GPHN: variants seen among roughly 807,000 people sequenced by gnomAD.
GPHN encodes the protein gephyrin.
In GPHN, 17 loss-of-function variants were observed where a neutral mutation model predicts 95.5. That is an observed-to-expected ratio of 0.18 (90% CI 0.12 to 0.27). The LOEUF is 0.27. Among genes scored for constraint, GPHN ranks in the 10% least tolerant of loss-of-function variants. The pLI is 1.00. For missense variants in GPHN, 660 were observed against 978.1 expected (o/e 0.67, Z 4.34); for synonymous variants, 320 against 322.5 (o/e 0.99, Z 0.08).
At chr14:66,859,698 T>G (rs1468347502) in intron 4 of GPHN, among the ~76,000 whole-genome samples, 1 of 152,180 alleles carries the variant, frequency 6.6e-6, no homozygotes, top group Non-Finnish European at 1.5e-5. Flanking sequence ...TCAAAATAGA[T>G]ATTTTGAGGA....
chr14:66,766,315 T>C (rs1021503819), intron 2 of GPHN, among the ~76,000 whole-genome samples: 1 of 152,164 alleles, frequency 6.6e-6, no homozygotes. Flanking sequence ...GAAGAAAGGC[T>C]GAATTTTAAG....
intron 4 of GPHN, among the ~76,000 whole-genome samples, chr14:66,866,874 G>C (rs908297057): frequency 2.0e-5 from 3 of 152,130 alleles, no homozygotes; most frequent in African/African-American, 7.2e-5. Context: ...GAGGTAAACT[G>C]TGAAAACTAC....
At chr14:66,595,562 G>A (rs910170669) in intron 1 of GPHN, among the ~76,000 whole-genome samples, 4 of 152,158 alleles carry the variant, frequency 2.6e-5, no homozygotes, top group African/African-American at 9.7e-5. Context: ...ACTGCACACA[G>A]CCAGGCACAC....
chr14:67,498,979 T>TTTTATTTATTTATTTATTTATTTATTTA, the GPHN span, among the ~76,000 whole-genome samples: 1 of 146,510 alleles, frequency 6.8e-6, no homozygotes. Context: ...AAGGCAATGG[T>TTTTATTTATTTATTTATTTATTTATTTA]TTTATTTATT....
chr14:67,424,618 G>A, the GPHN span, among the ~76,000 whole-genome samples: 1,123 of 122,954 alleles, frequency 9.1e-3, 16 homozygotes, highest in African/African-American at 0.036. Context: ...AAAAAAAAAA[G>A]GAAGCAGATC....
intron 2 of GPHN, among the ~76,000 whole-genome samples, chr14:66,771,781 T>C (rs1366534425): frequency 7.3e-6 from 1 of 137,206 alleles, no homozygotes; most frequent in Non-Finnish European, 1.5e-5. Flanking sequence ...TGTGTCCATG[T>C]GATCTCATTG....
the GPHN span, among the ~76,000 whole-genome samples, chr14:67,227,907 C>T: frequency 2.6e-5 from 4 of 152,094 alleles, no homozygotes; most frequent in South Asian, 2.1e-4. Context: ...CGGTGGCTCA[C>T]GCCTATAATC....
At chr14:67,517,960 A>G in the GPHN span, among the ~76,000 whole-genome samples, 1 of 152,212 alleles carries the variant, frequency 6.6e-6, no homozygotes, top group Non-Finnish European at 1.5e-5. Flanking sequence ...TGCTGTAGAA[A>G]TGGACTTTAA....
intron 2 of GPHN, among the ~76,000 whole-genome samples, chr14:66,738,816 A>C (rs1355675008): frequency 1.3e-5 from 2 of 152,184 alleles, no homozygotes; most frequent in African/African-American, 4.8e-5. Flanking sequence ...TACCTTAGCT[A>C]ACCCAGAAAG....
chr14:67,321,378 T>C, the GPHN span: 5 of 905,476 alleles, frequency 5.5e-6, no homozygotes, highest in East Asian at 1.2e-4. Flanking sequence ...TCATACGGTT[T>C]TTCCCACTGA....
chr14:67,182,097 A>G (rs1034750784), downstream of GPHN, among the ~76,000 whole-genome samples: 5 of 152,210 alleles, frequency 3.3e-5, no homozygotes, highest in Admixed American at 1.3e-4. Flanking sequence ...ATGACTTAGA[A>G]AAAAAATAAT....
chr14:67,182,120 C>T (rs117906639), downstream of GPHN, among the ~76,000 whole-genome samples: 1,850 of 152,022 alleles, frequency 0.012, 21 homozygotes, highest in Non-Finnish European at 0.018. Context: ...TTATTTTAGA[C>T]GCCATAAAAT....
At chr14:67,215,513 A>AAC in the GPHN span, among the ~76,000 whole-genome samples, 1 of 151,146 alleles carries the variant, frequency 6.6e-6, no homozygotes, top group Non-Finnish European at 1.5e-5. Flanking sequence ...AAAGATTAAA[A>AAC]AACAACAACA....
chr14:67,621,298 G>T, the GPHN span, among the ~76,000 whole-genome samples: 2 of 152,124 alleles, frequency 1.3e-5, no homozygotes, highest in Non-Finnish European at 2.9e-5. Context: ...ACTCCATCTT[G>T]AGATGCTTAT....
chr14:67,412,012 A>T, the GPHN span: 1 of 1,549,624 alleles, frequency 6.5e-7, no homozygotes, highest in Non-Finnish European at 8.7e-7. Flanking sequence ...CTCGACGCGC[A>T]CTCACCCTCT....
chr14:67,724,505 A>T, the GPHN span: 1 of 1,610,474 alleles, frequency 6.2e-7, no homozygotes, highest in Non-Finnish European at 8.5e-7. Flanking sequence ...TGTAGAACAA[A>T]TGTGCAGCTT....
At chr14:67,627,256 G>GATATATATATATATATAT in the GPHN span, among the ~76,000 whole-genome samples, 515 of 133,600 alleles carry the variant, frequency 3.9e-3, 6 homozygotes, top group East Asian at 0.01. Flanking sequence ...TCAGTAAGGA[G>GATATATATATATATATAT]ATATATATAT....
At chr14:66,895,492 G>A (rs961462270) in intron 5 of GPHN, among the ~76,000 whole-genome samples, 6 of 152,050 alleles carry the variant, frequency 3.9e-5, no homozygotes, top group Admixed American at 3.3e-4. Flanking sequence ...ATGTACCCTA[G>A]AGCTTAAAGT....
At chr14:66,626,162 A>G (rs1051306375) in intron 1 of GPHN, among the ~76,000 whole-genome samples, 2 of 152,144 alleles carry the variant, frequency 1.3e-5, no homozygotes, top group Admixed American at 6.6e-5. Context: ...CTCCTCTACC[A>G]TCTATTATGC....
Sources: allele counts gnomAD v4.1 joint callset (sites outside exome capture counted in the v4.1 genomes callset), GRCh38; gene constraint gnomAD v4.1.1; transcripts MANE v1.5; gene names NCBI Gene and HGNC (gene_info 2026-07-23, HGNC 2026-07-21).